PDCD6: variants seen among roughly 807,000 people sequenced by gnomAD.
PDCD6 encodes programmed cell death protein 6.
In PDCD6, 12 loss-of-function variants were observed where a neutral mutation model predicts 28.3. That is an observed-to-expected ratio of 0.42 (90% CI 0.27 to 0.69). The LOEUF is 0.69. PDCD6 is among the 30% of genes least tolerant of loss of function. The probability of loss-of-function intolerance (pLI) is 0.22; values close to 1 mark genes in which losing one functional copy is unlikely to be tolerated. For missense variants in PDCD6, 226 were observed against 269.9 expected, an observed-to-expected ratio of 0.84 and a Z score of 1.14; for synonymous variants, 92 against 108.0, an observed-to-expected ratio of 0.85 and a Z score of 0.92.
At chr5:295,444 A>C (rs1211675277) in intron 2 of PDCD6, among the ~76,000 whole-genome samples, 1 of 151,468 alleles carries the variant, frequency 6.6e-6, no homozygotes, top group Admixed American at 6.6e-5. Context: ...TAACCGGCAG[A>C]GTAAATTAAA....
intron 2 of PDCD6, among the ~76,000 whole-genome samples, chr5:303,853 A>G (rs1017530964): frequency 2.0e-5 from 3 of 147,354 alleles, no homozygotes; most frequent in Non-Finnish European, 4.4e-5. Context: ...CATCCTTGAA[A>G]AATTCTGTGT....
chr5:275,675 A>G (rs1470714512), intron 2 of PDCD6, among the ~76,000 whole-genome samples: 1 of 152,222 alleles, frequency 6.6e-6, no homozygotes, highest in Non-Finnish European at 1.5e-5. Context: ...CTTCTGGAAT[A>G]AGGCAGGTTG....
Position 274,872 on chromosome 5 carries a change from A to T in PDCD6, c.163+2100A>T, listed in dbSNP as rs367576102. On this transcript the variant is annotated intron_variant, in intron 2 of 5. Coordinates refer to ENST00000264933, the MANE Select transcript of PDCD6 (RefSeq NM_013232.4). ...AAGTGTCTATCAGAACATAATCTTG[A>T]TTTCAGCTGCTACTAAATATCTACC... Among the ~76,000 whole-genome samples the T allele has an allele frequency of 2.1e-3, 319 of 152,280 alleles. 10 individuals carry two copies. In the South Asian group the frequency reaches 0.064, roughly 30 times the overall value.
intron 1 of PDCD6, 71 bp downstream of exon 1, chr5:271,892 C>T: frequency 1.3e-6 from 1 of 795,938 alleles, no homozygotes; most frequent in South Asian, 2.5e-5. Context: ...CCGACTCCCC[C>T]GACCAACCCC....
intron 5 of PDCD6, chr5:311,738 G>A: frequency 3.6e-6 from 1 of 276,634 alleles, no homozygotes; most frequent in Non-Finnish European, 6.9e-6. Flanking sequence ...CTGTCACCCA[G>A]ACGGGAGTGC....
chr5:310,766 C>T (rs1740858805), intron 4 of PDCD6: 1 of 158,682 alleles, frequency 6.3e-6, no homozygotes, highest in South Asian at 1.9e-4. Context: ...CATCCCCCAG[C>T]CACTCCCATT....
chr5:274,536 C>G (rs776047310), intron 2 of PDCD6, among the ~76,000 whole-genome samples: 58 of 152,336 alleles, frequency 3.8e-4, no homozygotes, highest in African/African-American at 1.3e-3. Context: ...GGAGCAAGTG[C>G]TCAGTAATTG....
At chr5:295,206 T>C (rs1373832589) in intron 2 of PDCD6, among the ~76,000 whole-genome samples, 1 of 137,096 alleles carries the variant, frequency 7.3e-6, no homozygotes, top group Non-Finnish European at 1.5e-5. Context: ...TAAAAAAAAC[T>C]CTTAAAATAA....
intron 5 of PDCD6, chr5:311,687 T>G (rs980698605): frequency 5.2e-6 from 2 of 386,206 alleles, no homozygotes; most frequent in African/African-American, 4.3e-5. Flanking sequence ...TTTTTTTTGT[T>G]TTTTGTTTTG....
intron 2 of PDCD6, chr5:290,429 C>T (rs1056210329): frequency 4.5e-5 from 30 of 659,878 alleles, no homozygotes; most frequent in Admixed American, 2.2e-4. Context: ...CACACACTCC[C>T]GCATGCAGGC....
intron 2 of PDCD6, chr5:288,886 T>C: frequency 1.3e-6 from 2 of 1,557,840 alleles, no homozygotes; most frequent in Non-Finnish European, 8.7e-7. Flanking sequence ...TCATTTTCCA[T>C]GGATGATTCT....
intron 2 of PDCD6, among the ~76,000 whole-genome samples, chr5:279,387 C>T (rs1373865269): frequency 1.3e-5 from 2 of 152,062 alleles, no homozygotes; most frequent in African/African-American, 2.4e-5. Flanking sequence ...ATTTTCCCCA[C>T]GAGATATGCG....
At chr5:299,891 C>G (rs1279984796) in intron 2 of PDCD6, among the ~76,000 whole-genome samples, 1 of 151,812 alleles carries the variant, frequency 6.6e-6, no homozygotes, top group Non-Finnish European at 1.5e-5. Flanking sequence ...AGTTGAGGCT[C>G]TCTTGGAGAT....
Position 293,974 on chromosome 5 carries a change from A to G in PDCD6, c.164-10203A>G, listed in dbSNP as rs62345248. On this transcript the variant is annotated intron_variant, in intron 2 of 5. Coordinates refer to ENST00000264933, the MANE Select transcript of PDCD6 (RefSeq NM_013232.4). ...AGATCAAGAAGACGGGAACAGCACG[A>G]GGCACTGGGAGCTGCAAACGCCCGC... Among the ~76,000 whole-genome samples, 526 of 96,394 alleles carry G rather than the reference A, an allele frequency of 5.5e-3. 15 individuals carry two copies. Among genetic ancestry groups the G allele is most frequent in the African/African-American group, 0.01 (117 of 11,320 alleles). 63.2% of individuals were successfully genotyped at this position (96,394 alleles called of 152,430 possible). A position where few individuals can be genotyped will look rare whatever the true frequency, so the allele number is the denominator to read the frequency against.
intron 2 of PDCD6, among the ~76,000 whole-genome samples, chr5:281,608 C>A (rs1329871649): frequency 6.6e-6 from 1 of 151,786 alleles, no homozygotes. Context: ...GAGCTGGAGA[C>A]CAGGGAGGAA....
intron 2 of PDCD6, among the ~76,000 whole-genome samples, chr5:285,124 G>A (rs1738861355): frequency 6.7e-6 from 1 of 148,834 alleles, no homozygotes; most frequent in South Asian, 2.3e-4. Flanking sequence ...CCCTTAACCT[G>A]GAACAGTTTG....
intron 2 of PDCD6, among the ~76,000 whole-genome samples, chr5:278,512 C>A (rs1204279754): frequency 4.7e-5 from 7 of 149,304 alleles, no homozygotes; most frequent in Admixed American, 2.7e-4. Flanking sequence ...GAATTTGAGA[C>A]CAGCCTGGGC....
At chr5:292,943 A>G (rs1739398636) in intron 2 of PDCD6, among the ~76,000 whole-genome samples, 1 of 152,222 alleles carries the variant, frequency 6.6e-6, no homozygotes, top group Admixed American at 6.5e-5. Context: ...CCACTGACAC[A>G]TCCACGTTTG....
chr5:279,720 A>G (rs1183191402), intron 2 of PDCD6, among the ~76,000 whole-genome samples: 3 of 143,722 alleles, frequency 2.1e-5, no homozygotes, highest in African/African-American at 5.1e-5. Context: ...GGGAAGGCAG[A>G]TGATGGATGA....
Sources: allele counts gnomAD v4.1 joint callset (sites outside exome capture counted in the v4.1 genomes callset), GRCh38; gene constraint gnomAD v4.1.1; transcripts MANE v1.5; gene names NCBI Gene and HGNC (gene_info 2026-07-23, HGNC 2026-07-21).